NELL1: variants seen among roughly 807,000 people sequenced by gnomAD.
NELL1 encodes the protein neural EGFL like 1, also known as protein kinase C-binding protein NELL1.
A neutral mutation model predicts 107.4 loss-of-function variants in NELL1; 76 were observed. The ratio of observed to expected loss-of-function variants is 0.71; its 90% CI spans 0.59 to 0.86. NELL1 has a LOEUF of 0.86. Among genes scored for constraint, NELL1 ranks in the 40% least tolerant of loss-of-function variants. The pLI is 0.00. For synonymous variants in NELL1, 353 were observed against 341.2 expected (o/e 1.03, Z -0.38); for missense variants, 1,024 against 1,005.5 (o/e 1.02, Z -0.25).
At chr11:20,867,457 C>T (rs577988653) in intron 4 of NELL1, among the ~76,000 whole-genome samples, 18 of 152,220 alleles carry the variant, frequency 1.2e-4, no homozygotes, top group South Asian at 2.1e-4. Flanking sequence ...CGTTTATGAA[C>T]GAAAATTCAG....
intron 14 of NELL1, among the ~76,000 whole-genome samples, chr11:21,289,100 T>G (rs545158273): frequency 6.6e-6 from 1 of 152,316 alleles, no homozygotes; most frequent in Non-Finnish European, 1.5e-5. Flanking sequence ...AAATTCTGAC[T>G]CTTGATGAGA....
At chr11:20,731,882 A>G (rs1382892472) in intron 2 of NELL1, among the ~76,000 whole-genome samples, 1 of 152,232 alleles carries the variant, frequency 6.6e-6, no homozygotes, top group Non-Finnish European at 1.5e-5. Context: ...AAGGATGTGC[A>G]TATGTGTGGG....
intron 15 of NELL1, among the ~76,000 whole-genome samples, chr11:21,403,483 C>G (rs1852147201): frequency 6.6e-6 from 1 of 151,706 alleles, no homozygotes; most frequent in Non-Finnish European, 1.5e-5. Flanking sequence ...AACGTTATGA[C>G]CCTGTCTTTC....
chr11:21,443,827 C>G (rs1011621021), intron 15 of NELL1, among the ~76,000 whole-genome samples: 1 of 150,314 alleles, frequency 6.7e-6, no homozygotes, highest in African/African-American at 2.5e-5. Context: ...CTACTGCACT[C>G]TAGCCTGGAG....
intron 14 of NELL1, among the ~76,000 whole-genome samples, chr11:21,246,107 T>C (rs1260840845): frequency 2.0e-5 from 3 of 152,132 alleles, no homozygotes; most frequent in Admixed American, 6.6e-5. Flanking sequence ...CATATGACAG[T>C]AATAACAGCT....
chr11:20,893,855 T>A (rs1253210720), intron 5 of NELL1, among the ~76,000 whole-genome samples: 5 of 127,188 alleles, frequency 3.9e-5, no homozygotes, highest in Admixed American at 8.0e-5. Flanking sequence ...GTGAGGTAGT[T>A]AAAAAAAAAA....
chr11:21,101,741 C>T (rs1007979038), intron 12 of NELL1, among the ~76,000 whole-genome samples: 9 of 151,938 alleles, frequency 5.9e-5, no homozygotes, highest in African/African-American at 1.5e-4. Context: ...GGATATTAGC[C>T]CTTTGTCAGA....
chr11:21,041,475 T>A (rs1356423010), intron 12 of NELL1, among the ~76,000 whole-genome samples: 1 of 152,098 alleles, frequency 6.6e-6, no homozygotes, highest in Non-Finnish European at 1.5e-5. Flanking sequence ...ATAGGTTGGG[T>A]GGTTAGTATA....
At chr11:20,738,314 A>T (rs543720854) in intron 2 of NELL1, among the ~76,000 whole-genome samples, 23 of 152,240 alleles carry the variant, frequency 1.5e-4, no homozygotes, top group Admixed American at 1.3e-3. Context: ...GGCACACAGG[A>T]GTGCACAGTG....
At chr11:21,529,951 T>C (rs1375584373) in intron 15 of NELL1, among the ~76,000 whole-genome samples, 5 of 152,184 alleles carry the variant, frequency 3.3e-5, no homozygotes, top group African/African-American at 1.2e-4. Flanking sequence ...GTCATGTTTG[T>C]CTCTAAAGTC....
intron 2 of NELL1, among the ~76,000 whole-genome samples, chr11:20,762,670 G>A (rs573933971): frequency 6.6e-6 from 1 of 152,306 alleles, no homozygotes; most frequent in Middle Eastern, 3.4e-3. Context: ...CGTAATTAAG[G>A]AGAGGGCTAC....
intron 15 of NELL1, among the ~76,000 whole-genome samples, chr11:21,429,223 T>G (rs1275380824): frequency 6.6e-6 from 1 of 152,180 alleles, no homozygotes; most frequent in African/African-American, 2.4e-5. Flanking sequence ...TTAAAACACT[T>G]GAAATTAAAC....
At chr11:21,244,216 C>G (rs1056046438) in intron 14 of NELL1, among the ~76,000 whole-genome samples, 2 of 152,084 alleles carry the variant, frequency 1.3e-5, no homozygotes, top group African/African-American at 4.8e-5. Flanking sequence ...CATTTACTTT[C>G]GTTGCATTTT....
intron 1 of NELL1, among the ~76,000 whole-genome samples, chr11:20,675,420 A>G (rs1037367189): frequency 6.6e-6 from 1 of 152,168 alleles, no homozygotes; most frequent in Non-Finnish European, 1.5e-5. Flanking sequence ...TATTGCTCAG[A>G]GTTCATTGCA....
intron 15 of NELL1, among the ~76,000 whole-genome samples, chr11:21,474,144 T>C (rs1854260480): frequency 6.6e-6 from 1 of 152,052 alleles, no homozygotes; most frequent in Non-Finnish European, 1.5e-5. Flanking sequence ...CCTCATCTCC[T>C]GTGACTGTCC....
At chr11:21,153,228 C>T (rs1330916232) in intron 13 of NELL1, among the ~76,000 whole-genome samples, 1 of 152,088 alleles carries the variant, frequency 6.6e-6, no homozygotes, top group Non-Finnish European at 1.5e-5. Context: ...ATGGACCATT[C>T]ATTAAGCCTA....
chr11:20,983,811 C>T (rs61880763), intron 12 of NELL1, among the ~76,000 whole-genome samples: 1 of 152,094 alleles, frequency 6.6e-6, no homozygotes, highest in East Asian at 1.9e-4. Context: ...GAACATTTTG[C>T]CCTCGTGGCC....
intron 12 of NELL1, among the ~76,000 whole-genome samples, chr11:21,055,230 T>C (rs929310811): frequency 2.0e-5 from 3 of 152,138 alleles, no homozygotes; most frequent in Non-Finnish European, 4.4e-5. Flanking sequence ...GCTGTGTTTT[T>C]ATCATCAGGT....
At position 21,003,048 on chromosome 11, in the gene NELL1, C is replaced by T. The variant is rs371457089; in HGVS notation, c.1300+42488C>T. 2.6e-4 allele frequency among the ~76,000 whole-genome samples: 40 copies of T among 152,106 alleles called. No individual in the cohort carries two copies. The South Asian group carries it at 7.5e-3, about 29-fold the overall frequency. ...TTTCTTTTTTGTATTTTTAAATGTG[C>T]GATCTCTTCTCATCTAATTGATAAT... On this transcript the variant is annotated intron_variant, in intron 12 of 19. Coordinates refer to ENST00000357134, the MANE Select transcript of NELL1 (RefSeq NM_006157.5).
Sources: allele counts gnomAD v4.1 joint callset (sites outside exome capture counted in the v4.1 genomes callset), GRCh38; gene constraint gnomAD v4.1.1; transcripts MANE v1.5; gene names NCBI Gene and HGNC (gene_info 2026-07-23, HGNC 2026-07-21).